Variants in KIT observed in about 807,000 individuals in gnomAD.
KIT encodes mast/stem cell growth factor receptor Kit.
In KIT, 16 loss-of-function variants were observed where a neutral mutation model predicts 105.7. That is an observed-to-expected ratio of 0.15 (90% confidence interval 0.10 to 0.23). The LOEUF is 0.23. KIT is among the 10% of genes least tolerant of loss of function. KIT has a pLI of 1.00. For synonymous variants in KIT, 438 were observed against 441.1 expected, an observed-to-expected ratio of 0.99 and a Z score of 0.09; for missense variants, 858 against 1,213.8, an observed-to-expected ratio of 0.71 and a Z score of 4.36.
chr4:54,670,339 A>G (rs1274298328), intron 1 of KIT, among the ~76,000 whole-genome samples: 1 of 152,154 alleles, frequency 6.6e-6, no homozygotes, highest in Non-Finnish European at 1.5e-5. Flanking sequence ...AACTCTTGCT[A>G]ACCTTACACC....
chr4:54,725,723 G>T lies in KIT; in HGVS notation c.1347-134G>T. The T allele has an allele frequency of 6.9e-6, 6 of 870,498 alleles. No homozygotes were observed. In the South Asian group the frequency reaches 8.9e-5, roughly 13 times the overall value. 53.9% of individuals were successfully genotyped at this position (870,498 alleles called of 1,614,324 possible). A position where few individuals can be genotyped will look rare whatever the true frequency, so the allele number is the denominator to read the frequency against. ...TAGGTCACCAAAGTGCTTATTCTTA[G>T]ACACTTGTAAAAGGACATTTTCTGT... On this transcript the variant is annotated intron_variant, in intron 8 of 20. Coordinates refer to ENST00000288135, the MANE Select transcript of KIT (RefSeq NM_000222.3).
chr4:54,729,149 T>C (rs1722425230), intron 13 of KIT, 186 bp from the exon 14 acceptor site: 3 of 614,536 alleles, frequency 4.9e-6, no homozygotes, highest in Admixed American at 2.9e-5. Context: ...GCTTGTTTTA[T>C]GTTACTCCAC....
chr4:54,726,420 T>C (rs1470648356), intron 9 of KIT, among the ~76,000 whole-genome samples: 2 of 152,228 alleles, frequency 1.3e-5, no homozygotes, highest in African/African-American at 2.4e-5. Flanking sequence ...TTATTTAAAA[T>C]GAATTATTTT....
rs147691140 is a variant in KIT at position 54,667,851 on chromosome 4, G to A, written c.67+9770G>A. 2.6e-3 allele frequency among the ~76,000 whole-genome samples: 393 copies of A among 152,222 alleles called. 1 individual carries two copies. Among genetic ancestry groups the A allele is most frequent in the Non-Finnish European group, 3.9e-3 (266 of 68,022 alleles). ...CATGTATTACCTGTGTTGTATGTTCGATGCACATCCAGTATGGATATGTAT... is the reference window on the plus strand; with the variant it reads ...CATGTATTACCTGTGTTGTATGTTCAATGCACATCCAGTATGGATATGTAT... On this transcript the variant is annotated intron_variant, in intron 1 of 20. Coordinates refer to ENST00000288135, the MANE Select transcript of KIT (RefSeq NM_000222.3).
At chr4:54,682,535 C>T (rs992033889) in intron 1 of KIT, among the ~76,000 whole-genome samples, 3 of 151,594 alleles carry the variant, frequency 2.0e-5, no homozygotes, top group African/African-American at 7.3e-5. Context: ...TTCAAGTGAT[C>T]CTCCTCCCTC....
rs1722452309 is a variant in KIT, at chr4:54,729,477, G to A, written c.2133G>A (p.Glu711=). 6 of 1,613,074 alleles carry A rather than the reference G, an allele frequency of 3.7e-6. No individual in the cohort carries two copies. In the Admixed American group the frequency reaches 6.7e-5, roughly 18 times the overall value. ...ALYKNLLHSK[E]SSCSDSTNEY... is the part of the protein sequence containing the mutation. ...ATAAGAATCTTCTGCATTCAAAGGA[G>A]TCTTCCTGGTAAGACTGATTTACAT... The change falls in exon 14 of 21, where the codon GAG becomes GAA. Residue 711 remains glutamate, a synonymous_variant. Transcript: ENST00000288135.
intron 7 of KIT, among the ~76,000 whole-genome samples, chr4:54,718,011 T>C (rs1721611421): frequency 6.6e-6 from 1 of 152,310 alleles, no homozygotes; most frequent in Admixed American, 6.5e-5. Flanking sequence ...AATCTCGTGA[T>C]TGGGATATCT....
At chr4:54,731,079 C>T (rs1027643062) in intron 14 of KIT, among the ~76,000 whole-genome samples, 10 of 152,118 alleles carry the variant, frequency 6.6e-5, no homozygotes, top group Non-Finnish European at 1.3e-4. Flanking sequence ...AATTTCTAAC[C>T]TGAGTCCTCT....
Position 54,709,495 on chromosome 4 carries a change from A to G in KIT, c.1187A>G (p.Asn396Ser), listed in dbSNP as rs1553889095. 1.2e-6 allele frequency: 2 copies of G among 1,613,422 alleles called. No individual in the cohort carries two copies. The change falls in exon 7 of 21, where the codon AAT (asparagine) becomes AGT (serine). Residue 396 changes from asparagine (N) to serine (S), a missense_variant. Physicochemically the swap from Asn to Ser is conservative, Grantham distance 46 (BLOSUM62 1). Coordinates refer to ENST00000288135, the MANE Select transcript of KIT (RefSeq NM_000222.3). ...GGCACTTACACATTCCTAGTGTCCA[A>G]TTCTGACGTCAATGCTGCCATAGCA... ...EGGTYTFLVS[N>S]SDVNAAIAFN... is the part of the protein sequence containing the mutation.
At chr4:54,710,243 G>A (rs190213734) in intron 7 of KIT, among the ~76,000 whole-genome samples, 2 of 152,300 alleles carry the variant, frequency 1.3e-5, no homozygotes, top group East Asian at 3.9e-4. Flanking sequence ...GCTTCTTCCT[G>A]GCTCCACTCT....
At chr4:54,710,316 C>A (rs989310675) in intron 7 of KIT, among the ~76,000 whole-genome samples, 18 of 152,090 alleles carry the variant, frequency 1.2e-4, no homozygotes, top group African/African-American at 4.4e-4. Context: ...GCAAGGGAGG[C>A]CCCTAAAGAC....
At chr4:54,706,975 C>A in intron 5 of KIT, 123 bp from the exon 6 acceptor site, 1 of 632,796 alleles carries the variant, frequency 1.6e-6, no homozygotes, top group Non-Finnish European at 2.8e-6. Flanking sequence ...AGTTAAAATT[C>A]TCTTATTGCC....
chr4:54,707,237 C>T lies in KIT; in HGVS notation c.1065C>T (p.Phe355=), dbSNP rs2109705664. The change falls in exon 6 of 21, where the codon TTC becomes TTT. Residue 355 remains phenylalanine (F), a synonymous_variant. Transcript: ENST00000288135. ...AGTGGATCTATATGAACAGAACCTT[C>T]ACTGATAAATGGGAAGATTATCCCA... ...HQQWIYMNRT[F]TDKWEDYPKS... The T allele has an allele frequency of 1.2e-6, 2 of 1,612,892 alleles. No homozygotes were observed. The highest frequency in any genetic ancestry group is 1.7e-6 in the Non-Finnish European group (2 of 1,178,870).
intron 1 of KIT, among the ~76,000 whole-genome samples, chr4:54,694,990 G>A (rs1341747533): frequency 6.6e-6 from 1 of 152,158 alleles, no homozygotes; most frequent in Non-Finnish European, 1.5e-5. Context: ...TTTGTGAATA[G>A]TTCTCCTTTT....
intron 1 of KIT, among the ~76,000 whole-genome samples, chr4:54,662,315 A>C (rs370766924): frequency 3.3e-4 from 50 of 152,246 alleles, no homozygotes; most frequent in African/African-American, 1.1e-3. Context: ...CTTAGAGCAA[A>C]TTGTTTAACC....
At chr4:54,700,874 C>A (rs917139908) in intron 4 of KIT, among the ~76,000 whole-genome samples, 15 of 152,156 alleles carry the variant, frequency 9.9e-5, no homozygotes, top group Non-Finnish European at 1.5e-5. Flanking sequence ...TAGACTTATT[C>A]TTTCAAACCA....
chr4:54,690,099 C>T (rs1237094344), intron 1 of KIT, among the ~76,000 whole-genome samples: 1 of 148,784 alleles, frequency 6.7e-6, no homozygotes, highest in Non-Finnish European at 1.5e-5. Context: ...TATGTATATA[C>T]CACATTTTAT....
At chr4:54,689,273 CATGTAATT>C (rs772465313) in intron 1 of KIT, among the ~76,000 whole-genome samples, 2 of 152,194 alleles carry the variant, frequency 1.3e-5, no homozygotes, top group African/African-American at 2.4e-5. Context: ...GCACTTTATA[CATGTAATT>C]TATACATAAT....
At chr4:54,669,360 C>T (rs1299240540) in intron 1 of KIT, among the ~76,000 whole-genome samples, 1 of 152,200 alleles carries the variant, frequency 6.6e-6, no homozygotes, top group East Asian at 1.9e-4. Context: ...AGAACCACTG[C>T]CTTTCAAAGA....
Sources: gnomAD v4.1 joint callset for allele counts (sites outside exome capture counted in the v4.1 genomes callset) on GRCh38, gnomAD v4.1.1 for gene constraint, MANE v1.5 for transcripts, NCBI Gene and HGNC (gene_info 2026-07-23, HGNC 2026-07-21) for gene names.